The following SEMA4D variants were observed in gnomAD, a reference collection of about 807,000 sequenced individuals.
The protein encoded by SEMA4D is semaphorin-4D.
In SEMA4D, 22 loss-of-function variants were observed where a neutral mutation model predicts 74.8. The ratio of observed to expected loss-of-function variants is 0.29; its 90% confidence interval spans 0.21 to 0.42. The LOEUF (loss-of-function observed/expected upper bound fraction) is 0.42. SEMA4D is among the 10% of genes least tolerant of loss of function. The pLI, the probability that SEMA4D is intolerant of heterozygous loss-of-function variation, is 1.00. For missense variants in SEMA4D, 937 were observed against 1,118.4 expected (o/e 0.84, Z 2.31); for synonymous variants, 445 against 463.7 (o/e 0.96, Z 0.52).
chr9:89,462,370 T>C (rs1216395679), intron 1 of SEMA4D, among the ~76,000 whole-genome samples: 2 of 152,212 alleles, frequency 1.3e-5, no homozygotes, highest in African/African-American at 4.8e-5. Context: ...CCCATAAGGC[T>C]AGCTTCTACA....
chr9:89,422,041 G>C (rs1847076280), intron 2 of SEMA4D, among the ~76,000 whole-genome samples: 2 of 152,122 alleles, frequency 1.3e-5, no homozygotes, highest in South Asian at 4.1e-4. Flanking sequence ...AGTAATTGTA[G>C]AAAATTTGAA....
At chr9:89,362,147 G>T in exon 19 of SEMA4D, 1 of 595,880 alleles carries the variant, frequency 1.7e-6, no homozygotes, top group South Asian at 2.1e-5. Flanking sequence ...GCTTGTGCCA[G>T]ACAGAACTTA....
chr9:89,367,718 G>A (rs1174993166), intron 16 of SEMA4D: 1 of 152,282 alleles, frequency 6.6e-6, no homozygotes, highest in South Asian at 2.1e-4. Context: ...CGTAGGTAAT[G>A]ATCTTTCTCC....
At chr9:89,402,571 T>C (rs547595240) in intron 4 of SEMA4D, among the ~76,000 whole-genome samples, 30 of 152,150 alleles carry the variant, frequency 2.0e-4, no homozygotes, top group African/African-American at 6.3e-4. Flanking sequence ...TGGAGGGTAC[T>C]GTAGGCAAGA....
At chr9:89,395,560 C>A (rs1346660381) in intron 6 of SEMA4D, among the ~76,000 whole-genome samples, 1 of 152,104 alleles carries the variant, frequency 6.6e-6, no homozygotes, top group Non-Finnish European at 1.5e-5. Context: ...TGAGTTTAGC[C>A]AGAAAAATCC....
chr9:89,387,778 C>T (rs1195647996), intron 11 of SEMA4D, among the ~76,000 whole-genome samples, 170 bp from the exon 12 acceptor site: 1 of 152,170 alleles, frequency 6.6e-6, no homozygotes, highest in African/African-American at 2.4e-5. Flanking sequence ...GGTGGCCTCT[C>T]CCCAGCCAGC....
intron 18 of SEMA4D, chr9:89,363,287 T>C: frequency 3.2e-6 from 4 of 1,256,446 alleles, no homozygotes; most frequent in Non-Finnish European, 4.3e-6. Flanking sequence ...GTGTTGCAGA[T>C]TTCATAAAGG....
rs770020709 is a variant in SEMA4D, at chr9:89,381,365, G to T, written c.1447-19C>A. On this transcript the variant is annotated intron_variant, in intron 13 of 15. Transcript: ENST00000422704. The surrounding 1 kb of genome is among the most constrained non-coding windows in gnomAD (Gnocchi z 4.6). ...TGTTGCCCTGCGTGTATGAGACAGA[G>T]AAGAACTAGCATCAGGCAAGCAGGC... The T allele has an allele frequency of 4.8e-6, 7 of 1,456,042 alleles. No individual in the cohort carries two copies. The highest frequency in any genetic ancestry group is 5.5e-6 in the Non-Finnish European group (6 of 1,100,378). The allele number at this position is 1,456,042 out of a possible 1,614,324, so 90.2% of individuals were successfully genotyped here. A position where few individuals can be genotyped will look rare whatever the true frequency, so the allele number is the denominator to read the frequency against.
At chr9:89,418,538 T>G (rs1470088812) in intron 2 of SEMA4D, 1 of 457,258 alleles carries the variant, frequency 2.2e-6, no homozygotes, top group African/African-American at 2.1e-5. Context: ...CAGAAACACA[T>G]ATGGCATAAT....
At chr9:89,426,310 T>C (rs762201004) in intron 2 of SEMA4D, among the ~76,000 whole-genome samples, 6 of 152,242 alleles carry the variant, frequency 3.9e-5, no homozygotes, top group Non-Finnish European at 5.9e-5. Context: ...AAAATGCCAC[T>C]TTCCTTGCTT....
chr9:89,394,134 A>G (rs1840412656), intron 6 of SEMA4D, among the ~76,000 whole-genome samples: 1 of 152,030 alleles, frequency 6.6e-6, no homozygotes, highest in Non-Finnish European at 1.5e-5. Flanking sequence ...ACCAAAACAC[A>G]CTCCAGATGG....
At chr9:89,417,027 A>G (rs1175239251) in intron 2 of SEMA4D, among the ~76,000 whole-genome samples, 1 of 152,224 alleles carries the variant, frequency 6.6e-6, no homozygotes, top group Non-Finnish European at 1.5e-5. Context: ...AGAAGGAGCC[A>G]GTCCTCCTGG....
intron 6 of SEMA4D, 55 bp from the exon 7 acceptor site, chr9:89,393,710 C>T: frequency 7.5e-7 from 1 of 1,324,732 alleles, no homozygotes; most frequent in Non-Finnish European, 1.1e-6. Context: ...TCTATAGTAA[C>T]AATGTGTCTC....
intron 11 of SEMA4D, among the ~76,000 whole-genome samples, chr9:89,388,141 G>GA (rs1159706032): frequency 6.6e-6 from 1 of 152,176 alleles, no homozygotes; most frequent in African/African-American, 2.4e-5. Context: ...GTGCTGCAGT[G>GA]AACTCTGAGG....
At chr9:89,424,818 G>A (rs111511488) in intron 2 of SEMA4D, among the ~76,000 whole-genome samples, 5,088 of 152,012 alleles carry the variant, frequency 0.033, 210 homozygotes, top group African/African-American at 0.093. Flanking sequence ...ACCTTCTTAC[G>A]GCCCCTGTGC....
chr9:89,465,880 A>G (rs1858562912), intron 1 of SEMA4D, among the ~76,000 whole-genome samples: 1 of 152,202 alleles, frequency 6.6e-6, no homozygotes, highest in African/African-American at 2.4e-5. Flanking sequence ...TGGAATGAGG[A>G]GAAGATGGAG....
At chr9:89,370,962 G>T (rs1834534495) in intron 16 of SEMA4D, among the ~76,000 whole-genome samples, 1 of 130,666 alleles carries the variant, frequency 7.7e-6, no homozygotes, top group Non-Finnish European at 1.6e-5. Flanking sequence ...TGTATCTGGG[G>T]TAGGGTGTGT....
rs78608136 is a variant in SEMA4D at position 89,379,101 on chromosome 9, C to T, written c.2192G>A (p.Ser731Asn). Reference protein sequence around the residue: ...HSEKTMYLKSSDNRLLMSLFL... With the variant: ...HSEKTMYLKSNDNRLLMSLFL... ...GAGGGACATGAGGAGGCGGTTGTCG[C>T]TGGACTTAAGATACATGGTTTTCTC... Residue 731 changes from serine to asparagine, a missense_variant, in exon 16 of 16, where the codon AGC becomes AAC. Physicochemically the swap from Ser to Asn is conservative, Grantham distance 46 (BLOSUM62 1). Transcript: ENST00000422704. 3.0e-4 allele frequency: 485 copies of T among 1,614,132 alleles called. 5 individuals carry two copies. The African/African-American group carries it at 5.9e-3, about 20-fold the overall frequency.
intron 2 of SEMA4D, chr9:89,450,249 A>T: frequency 8.9e-7 from 1 of 1,124,272 alleles, no homozygotes; most frequent in Non-Finnish European, 1.4e-6. Context: ...TGTTCTCATC[A>T]GCTCAGGAAA....
Sources: gnomAD v4.1 joint callset for allele counts (sites outside exome capture counted in the v4.1 genomes callset) on GRCh38, gnomAD v4.1.1 for gene constraint, Gnocchi (gnomAD v3.1) non-coding constraint, MANE v1.5 for transcripts, NCBI Gene and HGNC (gene_info 2026-07-23, HGNC 2026-07-21) for gene names.